Variants in TNRC18 observed in about 807,000 individuals in gnomAD.
The protein encoded by TNRC18 is trinucleotide repeat containing 18.
A neutral mutation model predicts 226.7 loss-of-function variants in TNRC18; 69 were observed. The ratio of observed to expected loss-of-function variants is 0.30; its 90% confidence interval spans 0.25 to 0.37. The LOEUF (loss-of-function observed/expected upper bound fraction) is 0.37. Among genes scored for constraint, TNRC18 ranks in the 10% least tolerant of loss-of-function variants. TNRC18 has a pLI of 1.00. For missense variants in TNRC18, 4,754 were observed against 4,256.6 expected (o/e 1.12, Z -3.25); for synonymous variants, 2,449 against 1,927.6 (o/e 1.27, Z -7.09).
chr7:5,374,014 AG>A, intron 10 of TNRC18, 40 bp downstream of exon 10: 1 of 1,450,784 alleles, frequency 6.9e-7, no homozygotes, highest in South Asian at 1.4e-5. Flanking sequence ...TTACCGCTCC[AG>A]GGGCAGAGTG....
At chr7:5,359,608 G>A (rs754606004) in intron 14 of TNRC18, 39 bp from the exon 15 acceptor site, 7 of 1,610,794 alleles carry the variant, frequency 4.3e-6, no homozygotes, top group East Asian at 2.2e-5. Flanking sequence ...ACCCTGGCCA[G>A]ACAAGGCTCG....
intron 2 of TNRC18, among the ~76,000 whole-genome samples, chr7:5,402,138 CACTGT>C (rs1470313936): frequency 4.9e-5 from 7 of 142,210 alleles, no homozygotes; most frequent in Non-Finnish European, 7.4e-5. Context: ...GAGATCATGC[CACTGT>C]ACTCCAGCCT....
chr7:5,419,548 C>G (rs959766781), intron 2 of TNRC18, among the ~76,000 whole-genome samples: 2 of 151,822 alleles, frequency 1.3e-5, no homozygotes, highest in Non-Finnish European at 2.9e-5. Flanking sequence ...GGGCCGCCCC[C>G]CAAGTTCTTC....
At chr7:5,370,013 A>T (rs1284045250) in intron 11 of TNRC18, among the ~76,000 whole-genome samples, 2 of 150,774 alleles carry the variant, frequency 1.3e-5, no homozygotes, top group African/African-American at 4.8e-5. Flanking sequence ...AAAATCTTAT[A>T]AAAAAATGTT....
intron 11 of TNRC18, among the ~76,000 whole-genome samples, chr7:5,367,194 G>A (rs1414963704): frequency 5.9e-5 from 9 of 151,912 alleles, no homozygotes; most frequent in African/African-American, 1.7e-4. Context: ...GGGAAACCCC[G>A]TCTCTACTAA....
intron 18 of TNRC18, among the ~76,000 whole-genome samples, chr7:5,335,574 C>T (rs1252603756): frequency 6.9e-6 from 1 of 143,934 alleles, no homozygotes; most frequent in African/African-American, 2.6e-5. Flanking sequence ...CACTGCACTC[C>T]AGTCTGGGTG....
intron 18 of TNRC18, 108 bp downstream of exon 18, chr7:5,345,454 C>T (rs1462836350): frequency 8.6e-7 from 1 of 1,161,244 alleles, no homozygotes; most frequent in African/African-American, 1.6e-5. Flanking sequence ...TGCCCATTCC[C>T]AGCTCTGCAC....
At chr7:5,382,097 C>T (rs530342942) in intron 5 of TNRC18, among the ~76,000 whole-genome samples, 10 of 152,220 alleles carry the variant, frequency 6.6e-5, no homozygotes, top group Non-Finnish European at 1.5e-4. Context: ...TCACCATCAA[C>T]CCAGGAGGCA....
At chr7:5,399,291 C>T (rs942812408) in intron 2 of TNRC18, among the ~76,000 whole-genome samples, 2 of 152,324 alleles carry the variant, frequency 1.3e-5, no homozygotes, top group South Asian at 4.1e-4. Flanking sequence ...GTATGGGGGT[C>T]TCCCTGCCTC....
At position 5,388,872 on chromosome 7, in the gene TNRC18, GC is replaced by G; in HGVS notation, c.951del (p.Leu318CysfsTer272). The stretch of plus-strand genomic sequence containing the variant: ...GGGAGCAGGGTCTCCGTGCGCCGCA[GC>G]AGCCGCGCGCCCTCGTCCTGCCGGG... ...EAARQDEGAR[L>X]LRRTETLLPG... On this transcript the variant is annotated frameshift_variant, in exon 5 of 30. Coordinates refer to ENST00000430969, the MANE Select transcript of TNRC18 (RefSeq NM_001080495.3). LOFTEE classifies it high-confidence loss of function. 7.7e-7 allele frequency: 1 copy of G among 1,297,708 alleles called. No individual in the cohort carries two copies. 80.4% of individuals were successfully genotyped at this position (1,297,708 alleles called of 1,614,324 possible).
chr7:5,416,332 G>T (rs1782186693), intron 2 of TNRC18, among the ~76,000 whole-genome samples: 1 of 148,708 alleles, frequency 6.7e-6, no homozygotes, highest in Non-Finnish European at 1.5e-5. Flanking sequence ...GGAGAATGGT[G>T]TGAACCCGGG....
chr7:5,361,799 C>G, intron 13 of TNRC18, 77 bp from the exon 14 acceptor site: 3 of 1,529,408 alleles, frequency 2.0e-6, no homozygotes, highest in Non-Finnish European at 2.6e-6. Context: ...GATGCACACA[C>G]GGCGCCGGGT....
intron 5 of TNRC18, among the ~76,000 whole-genome samples, chr7:5,383,460 C>T (rs1371029463): frequency 1.3e-5 from 2 of 152,238 alleles, no homozygotes; most frequent in Non-Finnish European, 2.9e-5. Flanking sequence ...TCAGCCCACC[C>T]AGCATCAAGC....
chr7:5,408,813 A>G (rs1420181081), intron 2 of TNRC18, among the ~76,000 whole-genome samples: 3 of 152,214 alleles, frequency 2.0e-5, no homozygotes, highest in Non-Finnish European at 4.4e-5. Context: ...CTGTAAAGCC[A>G]GGGATCACGG....
intron 16 of TNRC18, 116 bp from the exon 17 acceptor site, chr7:5,352,210 C>T (rs1342604188): frequency 9.0e-6 from 10 of 1,108,542 alleles, no homozygotes; most frequent in East Asian, 2.6e-5. Context: ...CAAACAGGTC[C>T]GAATACCTAG....
chr7:5,349,079 T>C (rs1466442318), intron 17 of TNRC18, among the ~76,000 whole-genome samples: 1 of 152,160 alleles, frequency 6.6e-6, no homozygotes, highest in Non-Finnish European at 1.5e-5. Context: ...CTCAAGCAGC[T>C]GGGGCTGCGG....
intron 2 of TNRC18, among the ~76,000 whole-genome samples, chr7:5,406,843 T>A: frequency 1.4e-5 from 2 of 140,882 alleles, no homozygotes; most frequent in Non-Finnish European, 3.0e-5. Context: ...AGAGCGAGAC[T>A]CTGTCTCAAA....
chr7:5,359,255 A>G (rs1792778305), intron 15 of TNRC18, 143 bp downstream of exon 15: 1 of 868,260 alleles, frequency 1.2e-6, no homozygotes, highest in South Asian at 1.6e-5. Context: ...AGATTGGAGA[A>G]GAGTCATTCC....
intron 19 of TNRC18, among the ~76,000 whole-genome samples, chr7:5,329,432 C>T (rs1789275548): frequency 6.7e-6 from 1 of 149,306 alleles, no homozygotes; most frequent in Admixed American, 6.7e-5. Context: ...AACTGTAATC[C>T]CAGCACTTTG....
Sources: gnomAD v4.1 joint callset for allele counts (sites outside exome capture counted in the v4.1 genomes callset) on GRCh38, gnomAD v4.1.1 for gene constraint, MANE v1.5 for transcripts, NCBI Gene and HGNC (gene_info 2026-07-23, HGNC 2026-07-21) for gene names.